HSH2D: variants seen among roughly 807,000 people sequenced by gnomAD.
HSH2D encodes the protein hematopoietic SH2 domain containing, also known as hematopoietic SH2 domain-containing protein.
In HSH2D, 16 loss-of-function variants were observed where a neutral mutation model predicts 21.5. The ratio of observed to expected loss-of-function variants is 0.74; its 90% CI spans 0.50 to 1.13. The LOEUF (loss-of-function observed/expected upper bound fraction) is 1.13, where lower values mean the gene tolerates loss of function less well. Among genes scored for constraint, HSH2D ranks in the 50% most tolerant of loss-of-function variants. The pLI, the probability that HSH2D is intolerant of heterozygous loss-of-function variation, is 0.00. For missense variants in HSH2D, 418 were observed against 441.4 expected (o/e 0.95, Z 0.47); for synonymous variants, 172 against 184.7 (o/e 0.93, Z 0.56).
chr19:16,140,681 T>A (rs2090994079), upstream of HSH2D, among the ~76,000 whole-genome samples: 1 of 151,626 alleles, frequency 6.6e-6, no homozygotes, highest in Non-Finnish European at 1.5e-5. Flanking sequence ...GAGGATCACT[T>A]GAACGAGACC....
In HSH2D at chr19:16,148,716, C is replaced by T; in HGVS notation, c.-27-8C>T. 6.2e-7 allele frequency: 1 copy of T among 1,613,608 alleles called. No homozygotes were observed. The highest frequency in any genetic ancestry group is 8.5e-7 in the Non-Finnish European group (1 of 1,179,648). The stretch of plus-strand genomic sequence containing the variant: ...TTGATTCTTGTCTTCCCTCCCTTCT[C>T]TACCCAGGTGACCTTCCCTCCACCC... On this transcript the variant is annotated splice_polypyrimidine_tract_variant and splice_region_variant and intron_variant, in intron 1 of 5. Transcript: ENST00000613986.
intron 1 of HSH2D, among the ~76,000 whole-genome samples, chr19:16,146,008 G>A (rs191536029): frequency 6.2e-4 from 94 of 151,572 alleles, no homozygotes; most frequent in African/African-American, 1.8e-3. Flanking sequence ...CCTGGGAGGC[G>A]GAAGTTGCAG....
upstream of HSH2D, among the ~76,000 whole-genome samples, chr19:16,140,960 A>G (rs2090995883): frequency 6.6e-6 from 1 of 152,162 alleles, no homozygotes; most frequent in Admixed American, 6.5e-5. Flanking sequence ...AGCTCAGCCC[A>G]TGAGGTCTGA....
upstream of HSH2D, among the ~76,000 whole-genome samples, chr19:16,140,579 G>C (rs919554588): frequency 6.6e-6 from 1 of 151,748 alleles, no homozygotes; most frequent in African/African-American, 2.4e-5. Context: ...TACTCCAGCC[G>C]GGGCGATAGA....
intron 1 of HSH2D, among the ~76,000 whole-genome samples, chr19:16,145,571 A>G (rs891366833): frequency 1.3e-5 from 2 of 152,158 alleles, no homozygotes; most frequent in Non-Finnish European, 2.9e-5. Flanking sequence ...TTCTTAATAC[A>G]GTTATTTAAT....
intron 1 of HSH2D, among the ~76,000 whole-genome samples, chr19:16,145,680 C>T (rs74472255): frequency 0.019 from 2,951 of 152,242 alleles, 95 homozygotes; most frequent in African/African-American, 0.067. Context: ...CAACAGACCC[C>T]GCCTCCTCAT....
chr19:16,154,457 A>T lies in HSH2D; in HGVS notation c.440A>T (p.Glu147Val). ...DLFLYSNAVA[E>V]EAACPVSAPE... is the part of the protein sequence containing the mutation. ...TTCCTCTACTCCAACGCAGTGGCCGAGGAAGCTGCCTGCCCGGTGTCTGCC... is the reference window on the plus strand; with the variant it reads ...TTCCTCTACTCCAACGCAGTGGCCGTGGAAGCTGCCTGCCCGGTGTCTGCC... The change falls in exon 5 of 6, where the codon GAG (glutamate) becomes GTG (valine). Residue 147 changes from glutamate (E) to valine (V), a missense_variant. Transcript: ENST00000613986. 3.2e-6 allele frequency: 5 copies of T among 1,552,852 alleles called. No homozygotes were observed. The highest frequency in any genetic ancestry group is 4.4e-6 in the Non-Finnish European group (5 of 1,147,804).
At chr19:16,151,769 A>G (rs2091154592) in intron 2 of HSH2D, among the ~76,000 whole-genome samples, 1 of 134,038 alleles carries the variant, frequency 7.5e-6, no homozygotes, top group Non-Finnish European at 1.5e-5. Context: ...ACAGCTGAAA[A>G]AAAAAAAAAA....
Position 16,154,226 on chromosome 19 carries a change from T to C in HSH2D, c.382-173T>C, listed in dbSNP as rs182184726. On this transcript the variant is annotated intron_variant, in intron 4 of 5. Coordinates refer to ENST00000613986, the MANE Select transcript of HSH2D (RefSeq NM_001382417.1). Reference sequence around the variant, plus strand: ...AGAAGGCTCAGTGGGTGTGTCCCAATCCCTAAGAAATGGCTGTGGGTGGGG... The same window carrying C: ...AGAAGGCTCAGTGGGTGTGTCCCAACCCCTAAGAAATGGCTGTGGGTGGGG... Among the ~76,000 whole-genome samples the C allele has an allele frequency of 2.4e-3, 371 of 151,852 alleles. 2 individuals carry two copies. Among genetic ancestry groups the C allele is most frequent in the African/African-American group, 8.7e-3 (361 of 41,372 alleles).
intron 2 of HSH2D, 135 bp from the exon 3 acceptor site, chr19:16,152,417 C>CAA (rs377547783): frequency 1.9e-3 from 705 of 364,282 alleles, no homozygotes; most frequent in East Asian, 3.2e-3. Context: ...GACTCTGTCT[C>CAA]AAAAAAAAAA....
chr19:16,148,667 G>A, intron 1 of HSH2D, 57 bp from the exon 2 acceptor site: 1 of 1,547,100 alleles, frequency 6.5e-7, no homozygotes, highest in Non-Finnish European at 8.9e-7. Flanking sequence ...CAAGAATAGA[G>A]CAAAGATAAG....
At chr19:16,152,881 G>A (rs1307411061) in intron 3 of HSH2D, 162 bp from the exon 4 acceptor site, 4 of 873,434 alleles carry the variant, frequency 4.6e-6, no homozygotes, top group Non-Finnish European at 7.4e-6. Context: ...GCACAGCGAG[G>A]TTAGTAACCT....
At chr19:16,137,595 A>T (rs934231769) in intron 1 of HSH2D, among the ~76,000 whole-genome samples, 25 of 151,614 alleles carry the variant, frequency 1.6e-4, no homozygotes, top group African/African-American at 6.0e-4. Context: ...AAAAAAAGAA[A>T]AAAAGAAGCA....
intron 2 of HSH2D, among the ~76,000 whole-genome samples, chr19:16,151,765 G>GAAAA (rs746775825): frequency 4.9e-5 from 3 of 61,312 alleles, no homozygotes; most frequent in African/African-American, 1.7e-4. Flanking sequence ...TGCCACAGCT[G>GAAAA]AAAAAAAAAA....
At chr19:16,151,100 G>A (rs1418599973) in intron 2 of HSH2D, among the ~76,000 whole-genome samples, 1 of 152,106 alleles carries the variant, frequency 6.6e-6, no homozygotes, top group Non-Finnish European at 1.5e-5. Context: ...GAGGCGGGCG[G>A]ATCACCAGAG....
In HSH2D at chr19:16,157,530, C is replaced by T. The variant is rs986440726; in HGVS notation, c.795C>T (p.Tyr265=). The T allele has an allele frequency of 2.2e-5, 36 of 1,613,944 alleles. No individual in the cohort carries two copies. Among genetic ancestry groups the T allele is most frequent in the Non-Finnish European group, 2.8e-5 (33 of 1,179,854 alleles). ...SGDPTSGDRG[Y]TDPCVATSLK... ...ATCCCACCTCGGGGGACAGAGGCTACACGGATCCCTGTGTGGCCACATCTC... is the reference window on the plus strand; with the variant it reads ...ATCCCACCTCGGGGGACAGAGGCTATACGGATCCCTGTGTGGCCACATCTC... Residue 265 remains tyrosine (Y), a synonymous_variant, in exon 6 of 6, where the codon TAC becomes TAT. Coordinates refer to ENST00000613986, the MANE Select transcript of HSH2D (RefSeq NM_001382417.1). This position sits in a 1 kb window ranked among gnomAD's most constrained non-coding sequence, Gnocchi z 4.4.
At chr19:16,143,915 G>A (rs916716100) in intron 1 of HSH2D, 141 bp downstream of exon 1, 2 of 262,926 alleles carry the variant, frequency 7.6e-6, no homozygotes, top group Non-Finnish European at 1.6e-5. Flanking sequence ...GTGGAGGAGG[G>A]GGTATTTGTG....
intron 1 of HSH2D, among the ~76,000 whole-genome samples, chr19:16,148,010 G>A (rs147317797): frequency 2.0e-5 from 3 of 152,112 alleles, no homozygotes; most frequent in Non-Finnish European, 4.4e-5. Context: ...CCAGGCTGGA[G>A]TGCAGTGGCA....
At chr19:16,147,315 T>C (rs1396881589) in intron 1 of HSH2D, among the ~76,000 whole-genome samples, 2 of 151,090 alleles carry the variant, frequency 1.3e-5, no homozygotes, top group Non-Finnish European at 2.9e-5. Context: ...TGAAACCCCA[T>C]CTCTACAAAA....
Sources: gnomAD v4.1 joint callset for allele counts (sites outside exome capture counted in the v4.1 genomes callset) on GRCh38, gnomAD v4.1.1 for gene constraint, Gnocchi (gnomAD v3.1) non-coding constraint, MANE v1.5 for transcripts, NCBI Gene and HGNC (gene_info 2026-07-23, HGNC 2026-07-21) for gene names.